Variants in CNTFR observed in about 807,000 individuals in gnomAD.
CNTFR encodes ciliary neurotrophic factor receptor subunit alpha.
CNTFR carries 12 observed loss-of-function variants against 40.4 expected under a neutral mutation model. That is an observed-to-expected ratio of 0.30 (90% CI 0.19 to 0.48). The LOEUF (loss-of-function observed/expected upper bound fraction) is 0.48, where lower values mean the gene tolerates loss of function less well. Among genes scored for constraint, CNTFR ranks in the 20% least tolerant of loss-of-function variants. The pLI, the probability that CNTFR is intolerant of heterozygous loss-of-function variation, is 0.99. For missense variants in CNTFR, 414 were observed against 506.8 expected (o/e 0.82, Z 1.76); for synonymous variants, 202 against 209.6 (o/e 0.96, Z 0.31).
At chr9:34,588,091 T>G (rs1244407751) in intron 1 of CNTFR, among the ~76,000 whole-genome samples, 1 of 152,168 alleles carries the variant, frequency 6.6e-6, no homozygotes, top group Non-Finnish European at 1.5e-5. Context: ...CTAGTCTTTG[T>G]GTAGGCTCAG....
intron 3 of CNTFR, 113 bp from the exon 4 acceptor site, chr9:34,564,945 G>T: frequency 1.2e-6 from 1 of 830,848 alleles, no homozygotes; most frequent in Non-Finnish European, 1.9e-6. Context: ...AGGACGAGAG[G>T]CTCGGTGTCT....
intron 4 of CNTFR, among the ~76,000 whole-genome samples, chr9:34,562,040 C>T (rs994207326): frequency 2.0e-5 from 3 of 152,184 alleles, no homozygotes. Context: ...CTTCAAGACC[C>T]AATTCCCCTC....
At position 34,557,612 on chromosome 9, in the gene CNTFR, G is replaced by A. The variant is rs796507966; in HGVS notation, c.518C>T (p.Ser173Phe). 1 of 1,614,208 alleles carries A rather than the reference G, an allele frequency of 6.2e-7. No individual in the cohort carries two copies. Among genetic ancestry groups the A allele is most frequent in the Non-Finnish European group, 8.5e-7 (1 of 1,180,034 alleles). Residue 173 changes from serine (S) to phenylalanine (F), a missense_variant, in exon 6 of 10, where the codon TCC becomes TTC. By Grantham distance (155) the Ser-to-Phe change is radical (BLOSUM62 -2). Transcript: ENST00000378980. This position sits in a 1 kb window ranked among gnomAD's most constrained non-coding sequence, Gnocchi z 4.2. ...RCHIRYMHLF[S>F]TIKYKVSISV... ...TATGGAGACCTTGTACTTGATGGTG[G>A]AGAACAGGTGCATGTAGCGAATGTG...
chr9:34,575,140 C>T (rs566202799), intron 2 of CNTFR, among the ~76,000 whole-genome samples: 6 of 152,304 alleles, frequency 3.9e-5, no homozygotes, highest in South Asian at 2.1e-4. Context: ...CAGATAAGTT[C>T]GTATCCTCCC....
At chr9:34,558,012 C>A (rs1056550962) in intron 4 of CNTFR, 28 bp from the exon 5 acceptor site, 1 of 1,480,740 alleles carries the variant, frequency 6.8e-7, no homozygotes. Context: ...ATGGTCAGGG[C>A]ATTCTTGGAG....
At chr9:34,569,007 A>C in intron 2 of CNTFR, 26 bp from the exon 3 acceptor site, 3 of 1,537,132 alleles carry the variant, frequency 2.0e-6, no homozygotes, top group South Asian at 1.2e-5. Flanking sequence ...GGGGTGGGGG[A>C]GGGGTCAGCA....
chr9:34,559,753 A>T (rs1825993587), intron 4 of CNTFR, among the ~76,000 whole-genome samples: 1 of 151,836 alleles, frequency 6.6e-6, no homozygotes, highest in South Asian at 2.1e-4. Flanking sequence ...CGCTCCTGCC[A>T]CCGCTGGGGG....
intron 1 of CNTFR, chr9:34,582,292 A>C (rs950189682): frequency 4.2e-5 from 6 of 144,438 alleles, no homozygotes; most frequent in Non-Finnish European, 4.6e-5. Context: ...AAAAAAAAAA[A>C]AAAAACACAA....
intron 2 of CNTFR, among the ~76,000 whole-genome samples, chr9:34,576,815 TGCGGATCGGCA>T (rs1826988898): frequency 6.6e-6 from 1 of 152,198 alleles, no homozygotes; most frequent in African/African-American, 2.4e-5. Context: ...TTCCCCACGA[TGCGGATCGGCA>T]GCAGCTCTCA....
At chr9:34,578,896 T>C (rs1827134402) in intron 2 of CNTFR, among the ~76,000 whole-genome samples, 1 of 152,182 alleles carries the variant, frequency 6.6e-6, no homozygotes, top group Admixed American at 6.5e-5. Flanking sequence ...CCAGTTACTT[T>C]CTGCATTTGG....
intron 7 of CNTFR, 121 bp downstream of exon 7, chr9:34,556,134 C>G: frequency 8.6e-7 from 1 of 1,164,074 alleles, no homozygotes; most frequent in Non-Finnish European, 1.2e-6. Context: ...CCCTTTTCCC[C>G]GCAGAGAGCC....
intron 2 of CNTFR, among the ~76,000 whole-genome samples, chr9:34,579,044 C>CT (rs1827145879): frequency 6.6e-6 from 1 of 152,176 alleles, no homozygotes; most frequent in Non-Finnish European, 1.5e-5. Flanking sequence ...TGTGCACACC[C>CT]GTACACATAT....
Position 34,552,599 on chromosome 9 carries a change from T to C in CNTFR, c.949+75A>G. 1.4e-6 allele frequency: 2 copies of C among 1,475,698 alleles called. No homozygotes were observed. The highest frequency in any genetic ancestry group is 2.5e-5 in the South Asian group (2 of 79,242). 91.4% of individuals were successfully genotyped at this position (1,475,698 alleles called of 1,614,324 possible). On this transcript the variant is annotated intron_variant, in intron 8 of 9. Transcript: ENST00000378980. The surrounding 1 kb of genome is among the most constrained non-coding windows in gnomAD (Gnocchi z 5.1). ...GGAGCAGAGGCTGGAGGCAGCAGGGTAGAACCAGGCCACAGGTTCTACCAC... is the reference window on the plus strand; with the variant it reads ...GGAGCAGAGGCTGGAGGCAGCAGGGCAGAACCAGGCCACAGGTTCTACCAC...
chr9:34,556,257 G>A lies in CNTFR; in HGVS notation c.766C>T (p.His256Tyr). Residue 256 changes from histidine (H) to tyrosine (Y), a missense_variant and splice_region_variant, in exon 7 of 10, where the codon CAT becomes TAT. His to Tyr is a moderately conservative substitution (Grantham distance 83, BLOSUM62 2). This residue lies in a region of CNTFR where 83 missense variants were observed against 145.0 expected (regional missense o/e 0.57). Coordinates refer to ENST00000378980, the MANE Select transcript of CNTFR (RefSeq NM_147164.3). ...TCTTGGCCGGGCAGGGCACTCACAT[G>A]CTGCCACTGGTCCAGGATGAGGGGT... ...YRPLILDQWQ[H>Y]VELSDGTAHT... The A allele has an allele frequency of 6.2e-7, 1 of 1,611,154 alleles. No individual in the cohort carries two copies. The highest frequency in any genetic ancestry group is 8.5e-7 in the Non-Finnish European group (1 of 1,179,032).
Position 34,557,833 on chromosome 9 carries a change from G to A in CNTFR, c.437+34C>T, listed in dbSNP as rs373944890. 70 of 1,548,460 alleles carry A rather than the reference G, an allele frequency of 4.5e-5. No homozygotes were observed. The African/African-American group carries it at 4.9e-4, about 11-fold the overall frequency. On this transcript the variant is annotated intron_variant, in intron 5 of 9. Transcript: ENST00000378980. The surrounding 1 kb of genome is among the most constrained non-coding windows in gnomAD (Gnocchi z 4.2). ...GGGATGGGGGAGAGGTCAGAGGTCA[G>A]GGCTGGACCCGGGTCACAGGCGCAG...
rs1247222948 is a variant in CNTFR at position 34,552,090 on chromosome 9, G to T, written c.*-19C>A. ...CCGGGCTCTGTAGAGACAGGCAGGG[G>T]CCTGTCAGGGAGGGGGCTGGAGTGG... On this transcript the variant is annotated intron_variant, in intron 9 of 9. Transcript: ENST00000378980. This position sits in a 1 kb window ranked among gnomAD's most constrained non-coding sequence, Gnocchi z 5.1. 1.9e-6 allele frequency: 3 copies of T among 1,577,244 alleles called. No individual in the cohort carries two copies. The highest frequency in any genetic ancestry group is 1.7e-5 in the Admixed American group (1 of 58,438).
chr9:34,552,984 TGAG>T lies in CNTFR; in HGVS notation c.769-133_769-131del, dbSNP rs1825699996. The stretch of plus-strand genomic sequence containing the variant: ...GCTCTGGGGGCAGTGAGGACTTCCC[TGAG>T]GAGAAGGAGGACATGGAGAATATTC... On this transcript the variant is annotated intron_variant, in intron 7 of 9. Transcript: ENST00000378980. The surrounding 1 kb of genome is among the most constrained non-coding windows in gnomAD (Gnocchi z 5.1). 5 of 790,932 alleles carry T rather than the reference TGAG, an allele frequency of 6.3e-6. No individual in the cohort carries two copies. The highest frequency in any genetic ancestry group is 1.8e-5 in the African/African-American group (1 of 56,892). 49.0% of individuals were successfully genotyped at this position (790,932 alleles called of 1,614,324 possible). A position where few individuals can be genotyped will look rare whatever the true frequency, so the allele number is the denominator to read the frequency against.
intron 7 of CNTFR, among the ~76,000 whole-genome samples, chr9:34,554,631 G>T (rs756914175): frequency 6.6e-6 from 1 of 152,216 alleles, no homozygotes; most frequent in Non-Finnish European, 1.5e-5. Flanking sequence ...CCCATGCTGG[G>T]TCCCAGTACT....
chr9:34,552,899 C>T lies in CNTFR; in HGVS notation c.769-45G>A. On this transcript the variant is annotated intron_variant, in intron 7 of 9. Transcript: ENST00000378980. The surrounding 1 kb of genome is among the most constrained non-coding windows in gnomAD (Gnocchi z 5.1). Reference sequence around the variant, plus strand: ...TGGGGGTAAGGACACACCTGGGGGCCAGGAGGGTGAGGTCCCTCCAGAGGA... The same window carrying T: ...TGGGGGTAAGGACACACCTGGGGGCTAGGAGGGTGAGGTCCCTCCAGAGGA... 6.3e-7 allele frequency: 1 copy of T among 1,590,116 alleles called. No homozygotes were observed. Among genetic ancestry groups the T allele is most frequent in the Non-Finnish European group, 8.5e-7 (1 of 1,173,290 alleles).
Sources: allele counts gnomAD v4.1 joint callset (sites outside exome capture counted in the v4.1 genomes callset), GRCh38; gene constraint gnomAD v4.1.1; regional missense constraint gnomAD v4.1.1; non-coding constraint Gnocchi (gnomAD v3.1); transcripts MANE v1.5; gene names NCBI Gene and HGNC (gene_info 2026-07-23, HGNC 2026-07-21).